The following TUSC7 variants were observed in gnomAD, a reference collection of about 807,000 sequenced individuals.
TUSC7 encodes LSAMP antisense RNA 3.
chr3:116,712,728 C>T (rs2107471743), intron 1 of TUSC7: 1 of 151,954 alleles, frequency 6.6e-6, no homozygotes, highest in South Asian at 2.1e-4. Flanking sequence ...GAGAGATATG[C>T]TAAGTTGGGG....
intron 1 of TUSC7, among the ~76,000 whole-genome samples, chr3:116,713,351 T>G (rs919899818): frequency 1.3e-5 from 2 of 152,214 alleles, no homozygotes; most frequent in Non-Finnish European, 2.9e-5. Context: ...ACAGCAGCCC[T>G]AAGGTCATTC....
Position 116,712,639 on chromosome 3 carries a change from A to G in TUSC7, n.98+2763A>G, listed in dbSNP as rs548343648. ...CTGTCTACAAGCATTTGAAGAATATAAACACCAAGGGAAGAGAGGGAACTT... is the reference window on the plus strand; with the variant it reads ...CTGTCTACAAGCATTTGAAGAATATGAACACCAAGGGAAGAGAGGGAACTT... On this transcript the variant is annotated intron_variant and non_coding_transcript_variant, in intron 1 of 2. Transcript: ENST00000477805. The G allele has an allele frequency of 2.6e-5, 4 of 152,334 alleles. No homozygotes were observed. The South Asian group carries it at 8.3e-4, about 32-fold the overall frequency. 9.4% of individuals were successfully genotyped at this position (152,334 alleles called of 1,614,324 possible).
intron 1 of TUSC7, among the ~76,000 whole-genome samples, chr3:116,710,945 T>G (rs539884726): frequency 3.3e-5 from 5 of 152,134 alleles, no homozygotes; most frequent in African/African-American, 1.2e-4. Flanking sequence ...TAACAAAGAG[T>G]GCTTCCCAAG....
intron 1 of TUSC7, among the ~76,000 whole-genome samples, chr3:116,711,550 T>G (rs562494613): frequency 6.6e-6 from 1 of 152,172 alleles, no homozygotes; most frequent in Non-Finnish European, 1.5e-5. Context: ...TAGTCCCATA[T>G]AAGAAATATT....
chr3:116,711,459 C>G (rs2051462705), intron 1 of TUSC7, among the ~76,000 whole-genome samples: 1 of 152,062 alleles, frequency 6.6e-6, no homozygotes, highest in Non-Finnish European at 1.5e-5. Flanking sequence ...TTCAGGAAAC[C>G]TGTTTTGTTT....
chr3:116,715,955 A>G (rs1474031227), intron 1 of TUSC7, among the ~76,000 whole-genome samples: 5 of 152,180 alleles, frequency 3.3e-5, no homozygotes, highest in African/African-American at 1.2e-4. Context: ...ATTTTTATAA[A>G]TGTGTTTCCA....
At chr3:116,714,201 T>TC (rs1215267124) in intron 1 of TUSC7, 3 of 151,936 alleles carry the variant, frequency 2.0e-5, no homozygotes, top group African/African-American at 7.3e-5. Context: ...ACAAAAGATC[T>TC]CCCCCACATC....
At chr3:116,710,783 C>T (rs2051456413) in intron 1 of TUSC7, among the ~76,000 whole-genome samples, 1 of 151,950 alleles carries the variant, frequency 6.6e-6, no homozygotes, top group Admixed American at 6.6e-5. Flanking sequence ...GACATGATTA[C>T]CTTTACCACA....
intron 1 of TUSC7, among the ~76,000 whole-genome samples, chr3:116,710,694 G>C (rs1360442979): frequency 1.3e-5 from 2 of 151,992 alleles, no homozygotes. Flanking sequence ...AACTAATATG[G>C]TTGCAGAGTT....
intron 1 of TUSC7, among the ~76,000 whole-genome samples, chr3:116,710,756 T>C (rs984901973): frequency 1.3e-5 from 2 of 152,178 alleles, no homozygotes; most frequent in East Asian, 1.9e-4. Flanking sequence ...AGAGTGAAGA[T>C]GAAAGACATG....
At chr3:116,716,862 C>T (rs2051512709) in intron 1 of TUSC7, 1 of 152,100 alleles carries the variant, frequency 6.6e-6, no homozygotes, top group Non-Finnish European at 1.5e-5. Flanking sequence ...AGGATGTTTC[C>T]TGTTTTGCAA....
chr3:116,715,233 G>A (rs1431034347), intron 1 of TUSC7, among the ~76,000 whole-genome samples: 1 of 152,042 alleles, frequency 6.6e-6, no homozygotes, highest in Middle Eastern at 3.2e-3. Flanking sequence ...TTCACCAACT[G>A]AACATCTTGG....
chr3:116,709,962 ACAAAAAGGG>A (rs1559924011), intron 1 of TUSC7: 1 of 152,136 alleles, frequency 6.6e-6, no homozygotes, highest in African/African-American at 2.4e-5. Context: ...AGTGGTTTAG[ACAAAAAGGG>A]CCTCTGCTAA....
chr3:116,715,650 G>T (rs1023266844), intron 1 of TUSC7, among the ~76,000 whole-genome samples: 1 of 152,024 alleles, frequency 6.6e-6, no homozygotes, highest in African/African-American at 2.4e-5. Context: ...AAGTTATTTG[G>T]CCCATTTTTA....
At chr3:116,712,608 T>G (rs925558305) in intron 1 of TUSC7, 17 of 152,160 alleles carry the variant, frequency 1.1e-4, no homozygotes, top group Non-Finnish European at 2.2e-4. Context: ...AGGTGGCGTA[T>G]GAAAACTGTC....
chr3:116,715,717 T>C (rs900017989), intron 1 of TUSC7, among the ~76,000 whole-genome samples: 2 of 152,174 alleles, frequency 1.3e-5, no homozygotes, highest in Non-Finnish European at 2.9e-5. Context: ...AATTTTGATA[T>C]AGTCATTTAT....
chr3:116,713,707 T>C (rs983033723), intron 1 of TUSC7, among the ~76,000 whole-genome samples: 1 of 152,208 alleles, frequency 6.6e-6, no homozygotes, highest in African/African-American at 2.4e-5. Context: ...GGCTCACGCC[T>C]GTAATCCCAG....
At chr3:116,709,919 G>A (rs1454149888) in intron 1 of TUSC7, 1 of 152,068 alleles carries the variant, frequency 6.6e-6, no homozygotes. Context: ...AGAGGATAAT[G>A]TGTCCTAAAA....
chr3:116,714,756 C>T (rs1424631411), intron 1 of TUSC7, among the ~76,000 whole-genome samples: 2 of 152,168 alleles, frequency 1.3e-5, no homozygotes, highest in East Asian at 3.8e-4. Flanking sequence ...CCTCCCTCCA[C>T]AAGGGCATAG....
Sources: allele counts gnomAD v4.1 joint callset (sites outside exome capture counted in the v4.1 genomes callset), GRCh38; gene constraint gnomAD v4.1.1; transcripts MANE v1.5; gene names NCBI Gene and HGNC (gene_info 2026-07-23, HGNC 2026-07-21).